IGSF10: variants seen among roughly 807,000 people sequenced by gnomAD.
IGSF10 encodes the protein immunoglobulin superfamily member 10.
In IGSF10, 126 loss-of-function variants were observed where a neutral mutation model predicts 128.2. The ratio of observed to expected loss-of-function variants is 0.98; its 90% CI spans 0.85 to 1.14. The LOEUF is 1.14. Ranked by LOEUF, IGSF10 falls within the 50% of genes most tolerant of loss-of-function variation. The pLI is 0.00. For missense variants in IGSF10, 3,295 were observed against 3,149.8 expected (o/e 1.05, Z -1.10); for synonymous variants, 1,185 against 1,146.2 (o/e 1.03, Z -0.68).
chr3:151,463,529 T>TTTTTG (rs1560185447), upstream of IGSF10, among the ~76,000 whole-genome samples: 1 of 58,646 alleles, frequency 1.7e-5, no homozygotes, highest in African/African-American at 8.3e-5. Context: ...TCTGGTTTTT[T>TTTTTG]TTTTTTTTTT....
chr3:151,595,467 T>G, the IGSF10 span, among the ~76,000 whole-genome samples: 1 of 149,768 alleles, frequency 6.7e-6, no homozygotes, highest in Non-Finnish European at 1.5e-5. Context: ...CATAACATAA[T>G]GGAATAATAT....
the IGSF10 span, among the ~76,000 whole-genome samples, chr3:151,501,758 C>T: frequency 5.9e-5 from 9 of 152,128 alleles, no homozygotes; most frequent in South Asian, 1.7e-3. Context: ...TGAGTGTTTA[C>T]GTAGGTAACC....
At chr3:151,516,150 C>A in the IGSF10 span, among the ~76,000 whole-genome samples, 4 of 151,904 alleles carry the variant, frequency 2.6e-5, no homozygotes, top group Non-Finnish European at 5.9e-5. Context: ...GGACCTTGAA[C>A]CTTGGGTTCA....
the IGSF10 span, among the ~76,000 whole-genome samples, chr3:151,507,600 T>C: frequency 6.6e-6 from 1 of 152,010 alleles, no homozygotes; most frequent in Non-Finnish European, 1.5e-5. Flanking sequence ...GAAGTAAACA[T>C]GTCTTTCTTC....
chr3:151,437,024 C>T lies in IGSF10; in HGVS notation c.7537G>A (p.Gly2513Ser). The change falls in exon 8 of 8, where the codon GGT (glycine) becomes AGT (serine). Residue 2513 changes from glycine (G) to serine (S), a missense_variant. Physicochemically the swap from Gly to Ser is moderately conservative, Grantham distance 56. Transcript: ENST00000282466. ...NYICKAQNSVGHTLITVPVMI... is the reference protein window; with the variant it reads ...NYICKAQNSVSHTLITVPVMI... ...ACTGGAACAGTAATCAGTGTATGAC[C>T]AACACTATTTTGAGCCTTACAGATA... The T allele has an allele frequency of 6.2e-7, 1 of 1,614,102 alleles. No individual in the cohort carries two copies. The highest frequency in any genetic ancestry group is 8.5e-7 in the Non-Finnish European group (1 of 1,179,964).
Position 151,458,644 on chromosome 3 carries a change from G to A in IGSF10, c.66C>T (p.Ala22=), listed in dbSNP as rs750004900. The part of the protein sequence containing the change: ...LVSFAVICLV[A]TPGGKACPRR... ...GAGGACAGGCCTTGCCCCCAGGGGT[G>A]GCGACCAGGCAGATCACAGCAAAGG... The change falls in exon 3 of 8, where the codon GCC becomes GCT. Residue 22 remains alanine, a synonymous_variant. Coordinates refer to ENST00000282466, the MANE Select transcript of IGSF10 (RefSeq NM_178822.5). The A allele has an allele frequency of 6.2e-7, 1 of 1,614,176 alleles. No homozygotes were observed.
chr3:151,433,655 A>T (rs2108501692), downstream of IGSF10: 1 of 152,660 alleles, frequency 6.6e-6, no homozygotes, highest in East Asian at 1.9e-4. Flanking sequence ...CCTGAACCTT[A>T]TGCCACCTTA....
downstream of IGSF10, chr3:151,435,874 G>GAATT (rs573123198): frequency 1.2e-3 from 188 of 151,468 alleles, no homozygotes; most frequent in African/African-American, 4.2e-3. Context: ...ATCCCATAAA[G>GAATT]AATTAATGAA....
chr3:151,567,454 A>C, the IGSF10 span, among the ~76,000 whole-genome samples: 2 of 152,166 alleles, frequency 1.3e-5, no homozygotes, highest in African/African-American at 4.8e-5. Context: ...CTTTCACTGT[A>C]AACCTACTTG....
chr3:151,531,143 C>A, the IGSF10 span, among the ~76,000 whole-genome samples: 1 of 152,096 alleles, frequency 6.6e-6, no homozygotes, highest in East Asian at 1.9e-4. Flanking sequence ...AACTAACTAT[C>A]CTAAATATAT....
At chr3:151,546,404 G>A in the IGSF10 span, among the ~76,000 whole-genome samples, 1 of 152,112 alleles carries the variant, frequency 6.6e-6, no homozygotes, top group South Asian at 2.1e-4. Context: ...CTTCAGTGCA[G>A]TGGTGTAATT....
At chr3:151,467,886 AAAAAAAGAAAAAAG>A in the IGSF10 span, among the ~76,000 whole-genome samples, 3 of 151,958 alleles carry the variant, frequency 2.0e-5, no homozygotes, top group East Asian at 1.9e-4. Flanking sequence ...CATCTCAAAA[AAAAAAAGAAAAAAG>A]AAAAAAGAAA....
chr3:151,490,679 T>C, the IGSF10 span, among the ~76,000 whole-genome samples: 1 of 152,152 alleles, frequency 6.6e-6, no homozygotes, highest in Non-Finnish European at 1.5e-5. Flanking sequence ...TCTGATATTA[T>C]TTCAGACCAC....
chr3:151,443,087 T>A lies in IGSF10; in HGVS notation c.5860A>T (p.Asn1954Tyr), dbSNP rs139553347. ...EAASQKRTEVNFGDKLLLNCS... is the reference protein window; with the variant it reads ...EAASQKRTEVYFGDKLLLNCS... ...TTCAGTAGTAATTTGTCCCCAAAATTCACTTCAGTCCTTTTCTGGGATGCA... is the reference window on the plus strand; with the variant it reads ...TTCAGTAGTAATTTGTCCCCAAAATACACTTCAGTCCTTTTCTGGGATGCA... The change falls in exon 7 of 8, where the codon AAT becomes TAT. Residue 1954 changes from asparagine to tyrosine, a missense_variant. By Grantham distance (143) the Asn-to-Tyr change is moderately radical. Coordinates refer to ENST00000282466, the MANE Select transcript of IGSF10 (RefSeq NM_178822.5). 8.1e-5 allele frequency: 130 copies of A among 1,614,088 alleles called. No individual in the cohort carries two copies. Among genetic ancestry groups the A allele is most frequent in the Admixed American group, 2.8e-4 (17 of 59,998 alleles).
At chr3:151,543,185 G>T in the IGSF10 span, among the ~76,000 whole-genome samples, 2 of 152,152 alleles carry the variant, frequency 1.3e-5, no homozygotes, top group African/African-American at 2.4e-5. Context: ...GGGTTTTCCT[G>T]CAGTAAATAA....
the IGSF10 span, among the ~76,000 whole-genome samples, chr3:151,486,709 A>G: frequency 2.6e-5 from 4 of 152,262 alleles, no homozygotes; most frequent in Non-Finnish European, 5.9e-5. Flanking sequence ...CTGAATGACT[A>G]CTCAATGAAA....
chr3:151,455,969 C>G (rs797017115), intron 4 of IGSF10, among the ~76,000 whole-genome samples: 2 of 152,094 alleles, frequency 1.3e-5, no homozygotes, highest in Non-Finnish European at 2.9e-5. Flanking sequence ...GCCAAGACCC[C>G]TAATAAGAAA....
chr3:151,439,095 A>G (rs1720671603), intron 7 of IGSF10, among the ~76,000 whole-genome samples: 1 of 152,124 alleles, frequency 6.6e-6, no homozygotes, highest in South Asian at 2.1e-4. Context: ...TTACATAGTA[A>G]TTTTTTAAAA....
chr3:151,552,360 A>T, the IGSF10 span, among the ~76,000 whole-genome samples: 1 of 152,184 alleles, frequency 6.6e-6, no homozygotes, highest in African/African-American at 2.4e-5. Context: ...GACAGCCAAT[A>T]CGTACAGAGA....
Sources: gnomAD v4.1 joint callset for allele counts (sites outside exome capture counted in the v4.1 genomes callset) on GRCh38, gnomAD v4.1.1 for gene constraint, MANE v1.5 for transcripts, NCBI Gene and HGNC (gene_info 2026-07-23, HGNC 2026-07-21) for gene names.